The following NTRK3 variants were observed in gnomAD, a reference collection of about 807,000 sequenced individuals.
The protein encoded by NTRK3 is NT-3 growth factor receptor.
A neutral mutation model predicts 91.7 loss-of-function variants in NTRK3; 24 were observed. That is an observed-to-expected ratio of 0.26 (90% CI 0.19 to 0.37). The LOEUF is 0.37. NTRK3 is among the 10% of genes least tolerant of loss of function. The pLI is 1.00. For synonymous variants in NTRK3, 483 were observed against 404.0 expected (o/e 1.20, Z -2.34); for missense variants, 880 against 1,068.9 (o/e 0.82, Z 2.46).
intron 5 of NTRK3, among the ~76,000 whole-genome samples, chr15:88,165,916 G>T (rs1024609649): frequency 3.1e-4 from 47 of 152,166 alleles, no homozygotes; most frequent in African/African-American, 9.9e-4. Flanking sequence ...TTGATCTCCA[G>T]CTGGGGACTT....
intron 14 of NTRK3, among the ~76,000 whole-genome samples, chr15:88,009,407 G>GGAAC (rs1316755333): frequency 2.0e-5 from 3 of 152,098 alleles, no homozygotes. Context: ...GGCAAAAAGG[G>GGAAC]GAACACAAGC....
intron 14 of NTRK3, among the ~76,000 whole-genome samples, chr15:87,970,462 G>A (rs1486237112): frequency 2.0e-5 from 3 of 152,178 alleles, no homozygotes; most frequent in South Asian, 2.1e-4. Context: ...GGTGGTTGAC[G>A]AACACATCCT....
chr15:88,165,096 T>G (rs1354672263), intron 5 of NTRK3, among the ~76,000 whole-genome samples: 1 of 152,100 alleles, frequency 6.6e-6, no homozygotes, highest in Non-Finnish European at 1.5e-5. Flanking sequence ...GAGGAGGCCA[T>G]AGAGACAATG....
intron 3 of NTRK3, among the ~76,000 whole-genome samples, chr15:88,197,181 T>C (rs570583455): frequency 7.0e-6 from 1 of 142,448 alleles, no homozygotes; most frequent in East Asian, 2.2e-4. Context: ...GGAAGGACCA[T>C]GAAAGTATCA....
intron 3 of NTRK3, among the ~76,000 whole-genome samples, chr15:88,193,889 G>T (rs149422982): frequency 1.3e-5 from 2 of 152,030 alleles, no homozygotes; most frequent in South Asian, 4.2e-4. Flanking sequence ...ATGTGTCTAC[G>T]CCTCTTTATG....
intron 13 of NTRK3, among the ~76,000 whole-genome samples, chr15:88,038,094 C>A (rs995773985): frequency 6.6e-6 from 1 of 152,202 alleles, no homozygotes; most frequent in East Asian, 1.9e-4. Flanking sequence ...TCATAAGCAG[C>A]TGCCTTCAAT....
chr15:87,938,782 C>T (rs1377613150), intron 15 of NTRK3, among the ~76,000 whole-genome samples: 2 of 152,160 alleles, frequency 1.3e-5, no homozygotes, highest in South Asian at 2.1e-4. Flanking sequence ...CAGTGCAGAT[C>T]CTAAGTTTAG....
chr15:88,190,146 C>G (rs918584652), intron 3 of NTRK3, among the ~76,000 whole-genome samples: 1 of 152,168 alleles, frequency 6.6e-6, no homozygotes, highest in Non-Finnish European at 1.5e-5. Context: ...AGTATTGCCT[C>G]ATTTTTCTAA....
intron 14 of NTRK3, among the ~76,000 whole-genome samples, chr15:87,942,001 G>A (rs995773788): frequency 2.0e-5 from 3 of 152,190 alleles, no homozygotes; most frequent in Non-Finnish European, 4.4e-5. Flanking sequence ...GCAGATCCTG[G>A]GCCATGGCAG....
chr15:88,123,401 G>T (rs2052943389), intron 13 of NTRK3, among the ~76,000 whole-genome samples: 1 of 152,200 alleles, frequency 6.6e-6, no homozygotes, highest in Admixed American at 6.5e-5. Context: ...AAAAGGTAGG[G>T]AACTTCTGGT....
chr15:87,903,072 G>A (rs1596167894), intron 17 of NTRK3, among the ~76,000 whole-genome samples: 1 of 152,258 alleles, frequency 6.6e-6, no homozygotes, highest in Admixed American at 6.5e-5. Context: ...TTCTTCAGCC[G>A]GATGCATCTG....
chr15:88,089,709 G>GCCTT (rs1246439261), intron 13 of NTRK3, among the ~76,000 whole-genome samples: 2 of 152,150 alleles, frequency 1.3e-5, no homozygotes, highest in African/African-American at 4.8e-5. Context: ...CTCTTGAGCA[G>GCCTT]GGCACAACCT....
intron 13 of NTRK3, among the ~76,000 whole-genome samples, chr15:88,121,287 G>T (rs939941872): frequency 3.3e-5 from 5 of 152,194 alleles, no homozygotes; most frequent in African/African-American, 9.7e-5. Context: ...GACGTGAAAT[G>T]ATGATGGTGC....
At chr15:88,009,821 T>TAC (rs2076746570) in intron 14 of NTRK3, among the ~76,000 whole-genome samples, 1 of 152,144 alleles carries the variant, frequency 6.6e-6, no homozygotes. Flanking sequence ...ACTGCAGTGT[T>TAC]ACAGGAGGCA....
intron 13 of NTRK3, among the ~76,000 whole-genome samples, chr15:88,056,679 G>C (rs186480011): frequency 2.0e-5 from 3 of 152,174 alleles, no homozygotes; most frequent in South Asian, 2.1e-4. Flanking sequence ...GCATGGTTCC[G>C]CATGGTCTGA....
At chr15:87,942,310 G>C (rs1190607435) in intron 14 of NTRK3, among the ~76,000 whole-genome samples, 1 of 152,230 alleles carries the variant, frequency 6.6e-6, no homozygotes, top group Non-Finnish European at 1.5e-5. Context: ...ACACACTGCA[G>C]GGCTATGCCC....
intron 14 of NTRK3, among the ~76,000 whole-genome samples, chr15:88,022,179 G>A (rs541918584): frequency 6.6e-6 from 1 of 152,170 alleles, no homozygotes; most frequent in East Asian, 1.9e-4. Flanking sequence ...GAGCTTCCTG[G>A]GGTGTTCTTA....
At chr15:88,194,360 A>G (rs2151699636) in intron 3 of NTRK3, among the ~76,000 whole-genome samples, 1 of 152,380 alleles carries the variant, frequency 6.6e-6, no homozygotes, top group South Asian at 2.1e-4. Flanking sequence ...TCAAATGTGC[A>G]TCTCTGGCAG....
At chr15:88,003,639 C>T (rs949500727) in intron 14 of NTRK3, among the ~76,000 whole-genome samples, 1 of 152,158 alleles carries the variant, frequency 6.6e-6, no homozygotes, top group South Asian at 2.1e-4. Flanking sequence ...CTACAATGCA[C>T]TGCTCCGCTG....
Sources: gnomAD v4.1 joint callset for allele counts (sites outside exome capture counted in the v4.1 genomes callset) on GRCh38, gnomAD v4.1.1 for gene constraint, MANE v1.5 for transcripts, NCBI Gene and HGNC (gene_info 2026-07-23, HGNC 2026-07-21) for gene names.